Variants in BNC2 observed in about 807,000 individuals in gnomAD.
BNC2 encodes zinc finger protein basonuclin-2.
In BNC2, 20 loss-of-function variants were observed where a neutral mutation model predicts 76.3. That is an observed-to-expected ratio of 0.26 (90% CI 0.18 to 0.38). The LOEUF is 0.38. BNC2 is among the 10% of genes least tolerant of loss of function. The pLI is 1.00. For missense variants in BNC2, 1,382 were observed against 1,399.8 expected (o/e 0.99, Z 0.20); for synonymous variants, 582 against 514.8 (o/e 1.13, Z -1.77).
At chr9:16,512,669 CTT>C (rs1372712996) in intron 5 of BNC2, among the ~76,000 whole-genome samples, 2 of 152,116 alleles carry the variant, frequency 1.3e-5, no homozygotes, top group African/African-American at 2.4e-5. Flanking sequence ...CACTATAAAA[CTT>C]TGATGTTTTA....
At chr9:16,476,458 T>C (rs1048237403) in intron 5 of BNC2, among the ~76,000 whole-genome samples, 8 of 151,980 alleles carry the variant, frequency 5.3e-5, no homozygotes, top group Non-Finnish European at 1.0e-4. Flanking sequence ...TCCTCATTAA[T>C]TGCAACTCAT....
intron 5 of BNC2, among the ~76,000 whole-genome samples, chr9:16,470,705 G>C (rs115820976): frequency 0.02 from 3,034 of 152,304 alleles, 108 homozygotes; most frequent in African/African-American, 0.069. Flanking sequence ...ATGGCGTTCT[G>C]TGCGCAGATG....
chr9:16,461,135 A>C (rs1161200044), intron 5 of BNC2, among the ~76,000 whole-genome samples: 1 of 152,192 alleles, frequency 6.6e-6, no homozygotes, highest in Non-Finnish European at 1.5e-5. Context: ...TGCAGGGATA[A>C]GATTCTTTAT....
chr9:16,714,210 T>G (rs1823933226), intron 3 of BNC2, among the ~76,000 whole-genome samples: 1 of 152,218 alleles, frequency 6.6e-6, no homozygotes, highest in Non-Finnish European at 1.5e-5. Flanking sequence ...AGGAGAGAAA[T>G]GAATGCTTTG....
chr9:16,790,031 G>A (rs1352305374), intron 1 of BNC2, among the ~76,000 whole-genome samples: 5 of 152,082 alleles, frequency 3.3e-5, no homozygotes, highest in Admixed American at 2.0e-4. Flanking sequence ...ATGGAGTCTC[G>A]CTCTGTCGCC....
chr9:16,674,501 G>A (rs185902253), intron 3 of BNC2, among the ~76,000 whole-genome samples: 65 of 152,298 alleles, frequency 4.3e-4, no homozygotes, highest in African/African-American at 1.6e-3. Context: ...AACTCGCATG[G>A]ATAGTCTCAG....
intron 1 of BNC2, among the ~76,000 whole-genome samples, chr9:16,788,299 A>G (rs370382614): frequency 5.8e-4 from 89 of 152,214 alleles, no homozygotes; most frequent in African/African-American, 1.8e-3. Context: ...CACGCCTGTA[A>G]TCCCAGCACT....
At chr9:16,666,708 C>T (rs1211370074) in intron 3 of BNC2, among the ~76,000 whole-genome samples, 1 of 152,192 alleles carries the variant, frequency 6.6e-6, no homozygotes. Flanking sequence ...GGTATCTAAA[C>T]AGCAAATATA....
At chr9:16,550,839 T>G (rs77958560) in intron 5 of BNC2, among the ~76,000 whole-genome samples, 102 of 152,274 alleles carry the variant, frequency 6.7e-4, no homozygotes, top group Admixed American at 1.0e-3. Context: ...AGCTAACAGT[T>G]CCATACAAAC....
At chr9:16,431,359 T>C in intron 6 of BNC2, 1 of 393,116 alleles carries the variant, frequency 2.5e-6, no homozygotes, top group Non-Finnish European at 5.6e-6. Context: ...GGATCAAAAA[T>C]CAAGTCAGAG....
At chr9:16,649,711 T>C (rs1821738687) in intron 3 of BNC2, among the ~76,000 whole-genome samples, 1 of 152,220 alleles carries the variant, frequency 6.6e-6, no homozygotes, top group Admixed American at 6.5e-5. Context: ...ATTTCTGATG[T>C]ATAAATTATG....
chr9:16,726,559 T>TTTAA (rs1491375018), intron 3 of BNC2, among the ~76,000 whole-genome samples: 1 of 102,412 alleles, frequency 9.8e-6, no homozygotes, highest in Non-Finnish European at 2.6e-5. Flanking sequence ...AAAAGCTTTT[T>TTTAA]AAAAAAAAAA....
intron 3 of BNC2, among the ~76,000 whole-genome samples, chr9:16,691,498 T>C (rs932076835): frequency 2.3e-5 from 3 of 127,694 alleles, no homozygotes; most frequent in Admixed American, 9.9e-5. Context: ...CGGATGGGTA[T>C]GGGTTCTTTT....
chr9:16,845,683 T>A (rs925339251), intron 1 of BNC2, among the ~76,000 whole-genome samples: 1 of 152,024 alleles, frequency 6.6e-6, no homozygotes, highest in Non-Finnish European at 1.5e-5. Flanking sequence ...ATCGCACCTC[T>A]GCACTCCAGC....
chr9:16,679,844 G>A lies in BNC2; in HGVS notation c.330+47953C>T, dbSNP rs561919467. Among the ~76,000 whole-genome samples the A allele has an allele frequency of 7.2e-5, 11 of 152,364 alleles. No individual in the cohort carries two copies. The South Asian group carries it at 2.3e-3, about 32-fold the overall frequency. On this transcript the variant is annotated intron_variant, in intron 3 of 6. Coordinates refer to ENST00000380672, the MANE Select transcript of BNC2 (RefSeq NM_017637.6). ...TCCTGCCAGAGGAGTTCCTAACCTTGTTGTTTTATAAAAGGGCTCTTTGCC... is the reference window on the plus strand; with the variant it reads ...TCCTGCCAGAGGAGTTCCTAACCTTATTGTTTTATAAAAGGGCTCTTTGCC...
intron 1 of BNC2, among the ~76,000 whole-genome samples, chr9:16,858,249 A>G (rs1234305958): frequency 2.0e-5 from 3 of 152,232 alleles, no homozygotes; most frequent in African/African-American, 7.2e-5. Context: ...TCCACCCTTC[A>G]GGGCATGAAG....
rs1820519783 is a variant in BNC2, at chr9:16,413,510, T to A, written c.*5479A>T. The A allele has an allele frequency of 6.6e-6, 1 of 152,168 alleles. No homozygotes were observed. The highest frequency in any genetic ancestry group is 1.5e-5 in the Non-Finnish European group (1 of 68,036). 9.4% of individuals were successfully genotyped at this position (152,168 alleles called of 1,614,324 possible). On this transcript the variant is annotated 3_prime_UTR_variant, in exon 7 of 7. Coordinates refer to ENST00000380672, the MANE Select transcript of BNC2 (RefSeq NM_017637.6). ...GCCGAATAACATAGTTATTGCCGAA[T>A]GAGCACAGAAAATCATTTTGCGCAA...
rs770005462 is a variant in BNC2, at chr9:16,437,346, C to T, written c.848G>A (p.Arg283Lys). 13 of 1,614,056 alleles carry T rather than the reference C, an allele frequency of 8.1e-6. No individual in the cohort carries two copies. Among genetic ancestry groups the T allele is most frequent in the Non-Finnish European group, 1.0e-5 (12 of 1,179,956 alleles). The change falls in exon 6 of 7, where the codon AGG (arginine) becomes AAG (lysine). Residue 283 changes from arginine to lysine, a missense_variant. Around this residue, in one of 3 missense-constraint regions of BNC2, gnomAD observed 557 missense variants for 540.9 expected, o/e 1.03. Transcript: ENST00000380672. ...GCGATTATTGCTCTCAATGAAAGTC[C>T]TTATATCTGAGTCTGTCTTTGAAGA... is the stretch of plus-strand genomic sequence containing the variant. ...VPSSKTDSDIRTFIESNNRTR... is the reference protein window; with the variant it reads ...VPSSKTDSDIKTFIESNNRTR...
Position 16,644,107 on chromosome 9 carries a change from T to C in BNC2, c.331-61022A>G, listed in dbSNP as rs899494932. Among the ~76,000 whole-genome samples the C allele has an allele frequency of 7.2e-5, 11 of 152,294 alleles. 1 individual carries two copies. Among genetic ancestry groups the C allele is most frequent in the Admixed American group, 7.2e-4 (11 of 15,294 alleles). On this transcript the variant is annotated intron_variant, in intron 3 of 6. Transcript: ENST00000380672. ...TAACCTACATCAAAAGACTTTGAAATATCTTTTATTTCTATTCTGCCTTTC... is the reference window on the plus strand; with the variant it reads ...TAACCTACATCAAAAGACTTTGAAACATCTTTTATTTCTATTCTGCCTTTC...
Sources: gnomAD v4.1 joint callset for allele counts (sites outside exome capture counted in the v4.1 genomes callset) on GRCh38, gnomAD v4.1.1 for gene constraint, gnomAD v4.1.1 regional missense constraint, MANE v1.5 for transcripts, NCBI Gene and HGNC (gene_info 2026-07-23, HGNC 2026-07-21) for gene names.